The following SLC7A14 variants were observed in gnomAD, a reference collection of about 807,000 sequenced individuals.
SLC7A14 encodes solute carrier family 7 member 14.
Under a neutral mutation model 60.2 loss-of-function variants are expected in SLC7A14, and 37 were observed. The observed-to-expected ratio is 0.61, with a 90% confidence interval of 0.47 to 0.81. The LOEUF (loss-of-function observed/expected upper bound fraction) is 0.81, where lower values mean the gene tolerates loss of function less well. SLC7A14 is among the 30% of genes least tolerant of loss of function. The pLI is 0.00. For missense variants in SLC7A14, 886 were observed against 982.7 expected, an observed-to-expected ratio of 0.90 and a Z score of 1.32; for synonymous variants, 399 against 395.8, an observed-to-expected ratio of 1.01 and a Z score of -0.10.
intron 1 of SLC7A14, among the ~76,000 whole-genome samples, chr3:170,571,322 T>G (rs549312075): frequency 1.3e-5 from 2 of 152,370 alleles, no homozygotes; most frequent in South Asian, 4.1e-4. Flanking sequence ...AGTCTAGAGA[T>G]GTAGTGTGTA....
chr3:170,550,862 T>C (rs550151356), intron 1 of SLC7A14, among the ~76,000 whole-genome samples: 19 of 152,074 alleles, frequency 1.2e-4, no homozygotes, highest in Non-Finnish European at 2.2e-4. Flanking sequence ...TTCTGAAAAA[T>C]TCAGCACATA....
At chr3:170,549,781 A>C (rs764262391) in intron 1 of SLC7A14, among the ~76,000 whole-genome samples, 17 of 152,200 alleles carry the variant, frequency 1.1e-4, no homozygotes, top group Non-Finnish European at 2.1e-4. Flanking sequence ...AGCAGGGGAG[A>C]AAACATATCT....
chr3:170,498,947 G>T lies in SLC7A14; in HGVS notation c.542-63C>A, dbSNP rs1712507347. ...GAAGAAAGGGCCATGCAAACTCCTG[G>T]TCCTACCCCACTGCATCCGTACTCA... On this transcript the variant is annotated intron_variant, in intron 3 of 7. Coordinates refer to ENST00000231706, the MANE Select transcript of SLC7A14 (RefSeq NM_020949.3). The T allele has an allele frequency of 4.0e-6, 6 of 1,515,568 alleles. No individual in the cohort carries two copies. The East Asian group carries it at 1.4e-4, about 34-fold the overall frequency. 93.9% of individuals were successfully genotyped at this position (1,515,568 alleles called of 1,614,324 possible). A position where few individuals can be genotyped will look rare whatever the true frequency, so the allele number is the denominator to read the frequency against.
At chr3:170,583,497 TG>T (rs1715292251) in intron 1 of SLC7A14, among the ~76,000 whole-genome samples, 3 of 152,202 alleles carry the variant, frequency 2.0e-5, no homozygotes, top group South Asian at 4.1e-4. Context: ...TCAGACACCA[TG>T]AAATAGTGGG....
chr3:170,512,687 G>A (rs1480725317), intron 2 of SLC7A14, among the ~76,000 whole-genome samples: 6 of 61,314 alleles, frequency 9.8e-5, no homozygotes, highest in East Asian at 4.6e-4. Flanking sequence ...TTTTTGAGAC[G>A]GAGTCTCGCT....
intron 2 of SLC7A14, among the ~76,000 whole-genome samples, chr3:170,520,298 A>ATCTTT (rs1713303482): frequency 6.6e-6 from 1 of 152,216 alleles, no homozygotes; most frequent in Non-Finnish European, 1.5e-5. Context: ...AAGTAAAATA[A>ATCTTT]TGGGTTATGC....
At chr3:170,472,464 C>G (rs760337284) in intron 7 of SLC7A14, among the ~76,000 whole-genome samples, 1 of 151,222 alleles carries the variant, frequency 6.6e-6, no homozygotes, top group Non-Finnish European at 1.5e-5. Flanking sequence ...GGTGGTTAGT[C>G]TTATGAAAGT....
At chr3:170,547,630 G>C (rs1714217297) in intron 1 of SLC7A14, among the ~76,000 whole-genome samples, 1 of 152,148 alleles carries the variant, frequency 6.6e-6, no homozygotes. Context: ...AGTCTGAGGA[G>C]GAGGAGGAAG....
At chr3:170,575,409 T>C (rs1270192001) in intron 1 of SLC7A14, among the ~76,000 whole-genome samples, 2 of 152,234 alleles carry the variant, frequency 1.3e-5, no homozygotes, top group Non-Finnish European at 2.9e-5. Flanking sequence ...AAGGATGTCA[T>C]GCTCATGTGT....
In SLC7A14 at chr3:170,459,929, T is replaced by A. The variant is rs1365407362; in HGVS notation, c.*7126A>T. 2 of 152,250 alleles carry A rather than the reference T, an allele frequency of 1.3e-5. No homozygotes were observed. The highest frequency in any genetic ancestry group is 4.8e-5 in the African/African-American group (2 of 41,470). The allele number at this position is 152,250 out of a possible 1,614,324, so 9.4% of individuals were successfully genotyped here. A position where few individuals can be genotyped will look rare whatever the true frequency, so the allele number is the denominator to read the frequency against. On this transcript the variant is annotated 3_prime_UTR_variant, in exon 8 of 8. Coordinates refer to ENST00000231706, the MANE Select transcript of SLC7A14 (RefSeq NM_020949.3). ...CACACAATAAAGCTTTATGCATTTA[T>A]TAAAATATACACATTTTGTTAAATT...
Position 170,498,753 on chromosome 3 carries a change from A to T in SLC7A14, c.673T>A (p.Trp225Arg). 6.2e-7 allele frequency: 1 copy of T among 1,614,208 alleles called. No homozygotes were observed. Among genetic ancestry groups the T allele is most frequent in the Non-Finnish European group, 8.5e-7 (1 of 1,180,040 alleles). Reference sequence around the variant, plus strand: ...AGGCCTGCGATCATGATGAACACCCATACTGCCAGGTTCAGCACATTGAGA... The same window carrying T: ...AGGCCTGCGATCATGATGAACACCCTTACTGCCAGGTTCAGCACATTGAGA... ...NVLNVLNLAV[W>R]VFIMIAGLFF... Residue 225 changes from tryptophan to arginine, a missense_variant, in exon 4 of 8, where the codon TGG becomes AGG. Coordinates refer to ENST00000231706, the MANE Select transcript of SLC7A14 (RefSeq NM_020949.3).
At chr3:170,522,431 C>A (rs773751092) in intron 2 of SLC7A14, among the ~76,000 whole-genome samples, 1 of 152,154 alleles carries the variant, frequency 6.6e-6, no homozygotes, top group African/African-American at 2.4e-5. Context: ...GGTAGTAGAG[C>A]CATACAATGG....
At chr3:170,536,952 G>A (rs955814902) in intron 1 of SLC7A14, among the ~76,000 whole-genome samples, 1 of 152,064 alleles carries the variant, frequency 6.6e-6, no homozygotes, top group African/African-American at 2.4e-5. Flanking sequence ...CACCCACTCT[G>A]GCTGGATGCC....
At chr3:170,541,453 G>A (rs994815096) in intron 1 of SLC7A14, among the ~76,000 whole-genome samples, 2 of 151,964 alleles carry the variant, frequency 1.3e-5, no homozygotes, top group African/African-American at 4.8e-5. Context: ...AAAAAAATAA[G>A]GTGGCATGGT....
At chr3:170,580,994 A>G (rs1715219259) in intron 1 of SLC7A14, among the ~76,000 whole-genome samples, 1 of 152,188 alleles carries the variant, frequency 6.6e-6, no homozygotes, top group Non-Finnish European at 1.5e-5. Context: ...CACAGATCAA[A>G]GTGCGGGAGT....
chr3:170,551,051 A>G (rs1283585842), intron 1 of SLC7A14, among the ~76,000 whole-genome samples: 1 of 152,090 alleles, frequency 6.6e-6, no homozygotes, highest in Non-Finnish European at 1.5e-5. Flanking sequence ...GTTACTCTCC[A>G]TTGCTCCTCC....
chr3:170,505,943 CATTA>C (rs758159417), intron 2 of SLC7A14, among the ~76,000 whole-genome samples: 1 of 151,726 alleles, frequency 6.6e-6, no homozygotes, highest in Non-Finnish European at 1.5e-5. Flanking sequence ...TTGGTGAATC[CATTA>C]AAAAATTTTG....
intron 2 of SLC7A14, among the ~76,000 whole-genome samples, chr3:170,513,756 G>A (rs926543795): frequency 6.6e-6 from 1 of 152,164 alleles, no homozygotes; most frequent in African/African-American, 2.4e-5. Context: ...TCTCTTGCTT[G>A]CTGTTTGCTC....
intron 3 of SLC7A14, 36 bp downstream of exon 3, chr3:170,501,073 T>G (rs16855165): frequency 4.4e-6 from 7 of 1,601,362 alleles, no homozygotes; most frequent in Non-Finnish European, 6.0e-6. Flanking sequence ...CTTGGTAAGT[T>G]TGCATGTTGA....
Sources: gnomAD v4.1 joint callset for allele counts (sites outside exome capture counted in the v4.1 genomes callset) on GRCh38, gnomAD v4.1.1 for gene constraint, MANE v1.5 for transcripts, NCBI Gene and HGNC (gene_info 2026-07-23, HGNC 2026-07-21) for gene names.